Variants in NHSL2 observed in about 807,000 individuals in gnomAD.
The protein encoded by NHSL2 is NHS-like protein 2.
NHSL2 carries 27 observed loss-of-function variants against 53.4 expected under a neutral mutation model. That is an observed-to-expected ratio of 0.51 (90% CI 0.37 to 0.70). NHSL2 has a LOEUF of 0.70. NHSL2 is among the 30% of genes least tolerant of loss of function. The pLI is 0.00. For missense variants in NHSL2, 892 were observed against 980.1 expected (o/e 0.91, Z 1.20); for synonymous variants, 408 against 404.1 (o/e 1.01, Z -0.12).
chrX:71,936,197 G>T (rs955188027), intron 1 of NHSL2, among the ~76,000 whole-genome samples: 1 of 111,856 alleles, frequency 8.9e-6, no homozygotes, highest in African/African-American at 3.3e-5. Context: ...TTGATTAGGG[G>T]ATACTGCTTC....
In NHSL2 at chrX:71,942,947, GCTCTCTCTCT is replaced by G. The variant is rs767412870; in HGVS notation, c.280+31597_280+31606del. Among the ~76,000 whole-genome samples, 3 of 72,210 alleles carry G rather than the reference GCTCTCTCTCT, an allele frequency of 4.2e-5. No homozygotes were observed. In the East Asian group the frequency reaches 1.3e-3, roughly 32 times the overall value. 62.7% of individuals were successfully genotyped at this position (72,210 alleles called of 115,157 possible). ...CCTAGTCTTTGTCGAGGGCTCTAAT[GCTCTCTCTCT>G]CTCTCTCTCTCTCTCTGTGTGTGTG... On this transcript the variant is annotated intron_variant, in intron 1 of 7. Coordinates refer to ENST00000633930, the MANE Select transcript of NHSL2 (RefSeq NM_001013627.3).
chrX:72,079,281 A>G (rs1399947168), intron 1 of NHSL2, among the ~76,000 whole-genome samples: 7 of 112,763 alleles, frequency 6.2e-5, no homozygotes, highest in Non-Finnish European at 1.3e-4. Context: ...AAAGCCAGTG[A>G]TTCTCTTGTG....
At position 72,069,608 on chromosome X, in the gene NHSL2, G is replaced by A. The variant is rs956953656; in HGVS notation, c.281-62471G>A. 5 of 740,174 alleles carry A rather than the reference G, an allele frequency of 6.8e-6. No individual in the cohort carries two copies. The Admixed American group carries it at 3.0e-4, about 45-fold the overall frequency. 61.0% of individuals were successfully genotyped at this position (740,174 alleles called of 1,213,427 possible). ...AGCACAGGCAGAGGAGGAGGAGGAG[G>A]AGTAGGAGGAGGAGGAGGAGAAAGA... is the stretch of plus-strand genomic sequence containing the variant. On this transcript the variant is annotated intron_variant, in intron 1 of 7. Transcript: ENST00000633930.
chrX:71,972,390 GT>G (rs2041929242), intron 1 of NHSL2, among the ~76,000 whole-genome samples: 1 of 112,417 alleles, frequency 8.9e-6, no homozygotes, highest in Non-Finnish European at 1.9e-5. Context: ...TTGACAGTTT[GT>G]CTGTTTGTTT....
intron 1 of NHSL2, among the ~76,000 whole-genome samples, chrX:72,083,795 A>G (rs2147428190): frequency 8.9e-6 from 1 of 112,178 alleles, no homozygotes; most frequent in African/African-American, 3.2e-5. Flanking sequence ...CCTAATGGCC[A>G]AAACTTGGGG....
At chrX:72,017,577 G>A (rs1232116312) in intron 1 of NHSL2, among the ~76,000 whole-genome samples, 2 of 112,561 alleles carry the variant, frequency 1.8e-5, no homozygotes, top group Non-Finnish European at 3.8e-5. Context: ...GGGTTCTGTG[G>A]TATGTGCAGA....
At chrX:71,927,328 A>C (rs1480569776) in intron 1 of NHSL2, among the ~76,000 whole-genome samples, 1 of 111,904 alleles carries the variant, frequency 8.9e-6, no homozygotes, top group Non-Finnish European at 1.9e-5. Context: ...ATGTGCCTTG[A>C]AGATCAAAAG....
chrX:72,117,058 C>T (rs1288596849), intron 1 of NHSL2, among the ~76,000 whole-genome samples: 4 of 110,696 alleles, frequency 3.6e-5, no homozygotes. Context: ...GAGCTGATTT[C>T]AAGATCAAGA....
chrX:72,001,830 T>G (rs2042074069), intron 1 of NHSL2, among the ~76,000 whole-genome samples: 1 of 112,255 alleles, frequency 8.9e-6, no homozygotes, highest in African/African-American at 3.2e-5. Flanking sequence ...AGGAAAACTT[T>G]CCAGATCATC....
At chrX:72,038,194 T>C (rs1434862688) in intron 1 of NHSL2, among the ~76,000 whole-genome samples, 2 of 111,438 alleles carry the variant, frequency 1.8e-5, no homozygotes, top group Non-Finnish European at 3.8e-5. Context: ...CTTCCCACGG[T>C]TGTGTAAAGG....
chrX:71,962,748 G>A (rs1488742861), intron 1 of NHSL2, among the ~76,000 whole-genome samples: 1 of 106,717 alleles, frequency 9.4e-6, no homozygotes, highest in African/African-American at 3.4e-5. Context: ...TGTTGCCTCA[G>A]TCTTCTGAGT....
intron 1 of NHSL2, among the ~76,000 whole-genome samples, chrX:71,911,996 G>A (rs778259354): frequency 8.9e-6 from 1 of 112,188 alleles, no homozygotes; most frequent in African/African-American, 3.2e-5. Context: ...GCCGGGAGGG[G>A]GGAGGGGAGA....
rs144464940 is a variant in NHSL2 at position 72,084,143 on chromosome X, C to G, written c.281-47936C>G. Among the ~76,000 whole-genome samples, 286 of 112,453 alleles carry G rather than the reference C, an allele frequency of 2.5e-3. 2 individuals are homozygous for G. The highest frequency in any genetic ancestry group is 8.7e-3 in the African/African-American group (269 of 30,983). ...GCATCTCTCACATTCCCATCATTCA[C>G]TTACAGGCCTATATCCTCCACCCTT... On this transcript the variant is annotated intron_variant, in intron 1 of 7. Coordinates refer to ENST00000633930, the MANE Select transcript of NHSL2 (RefSeq NM_001013627.3).
Position 72,139,592 on chromosome X carries a change from T to C in NHSL2, c.2044T>C (p.Ser682Pro). 3 of 1,210,180 alleles carry C rather than the reference T, an allele frequency of 2.5e-6. No individual in the cohort carries two copies. Among genetic ancestry groups the C allele is most frequent in the Non-Finnish European group, 3.4e-6 (3 of 894,550 alleles). Residue 682 changes from serine (S) to proline (P), a missense_variant, in exon 6 of 8, where the codon TCC becomes CCC. Ser to Pro is a moderately conservative substitution (Grantham distance 74, BLOSUM62 -1). Coordinates refer to ENST00000633930, the MANE Select transcript of NHSL2 (RefSeq NM_001013627.3). ...AGAGTCTCTTGCCTCACCTTCCACC[T>C]CCAGAGCCACTACACCTTCCCAACT... The part of the protein sequence containing the change: ...SSESLASPST[S>P]RATTPSQLSI...
chrX:71,990,377 C>A (rs1446455266), intron 1 of NHSL2, among the ~76,000 whole-genome samples: 1 of 111,119 alleles, frequency 9.0e-6, no homozygotes, highest in Non-Finnish European at 1.9e-5. Context: ...TGGACGTTCC[C>A]ACCCACATAC....
rs764920440 is a variant in NHSL2 at position 72,144,576 on chromosome X, G to A, written c.*1002G>A. On this transcript the variant is annotated 3_prime_UTR_variant, in exon 8 of 8. Coordinates refer to ENST00000633930, the MANE Select transcript of NHSL2 (RefSeq NM_001013627.3). ...TGCCCCCCACCAGTCAATTCAGATC[G>A]TGGTTTGTGGTTGGTTTGGTTTTGT... 9.9e-7 allele frequency: 1 copy of A among 1,014,995 alleles called. No homozygotes were observed. The highest frequency in any genetic ancestry group is 1.3e-6 in the Non-Finnish European group (1 of 767,478). 83.6% of individuals were successfully genotyped at this position (1,014,995 alleles called of 1,213,427 possible). A position where few individuals can be genotyped will look rare whatever the true frequency, so the allele number is the denominator to read the frequency against.
chrX:72,034,925 CTCTT>C (rs1191934347), intron 1 of NHSL2, among the ~76,000 whole-genome samples: 2 of 111,535 alleles, frequency 1.8e-5, no homozygotes, highest in African/African-American at 6.5e-5. Context: ...GATTTCTGCT[CTCTT>C]TATTTCCTTT....
intron 1 of NHSL2, among the ~76,000 whole-genome samples, chrX:71,955,479 A>G (rs1056208469): frequency 9.1e-6 from 1 of 109,775 alleles, no homozygotes; most frequent in Non-Finnish European, 1.9e-5. Flanking sequence ...GGTATGCATC[A>G]CTTTTTGCCC....
intron 1 of NHSL2, among the ~76,000 whole-genome samples, chrX:71,995,546 T>C (rs1293853907): frequency 8.9e-6 from 1 of 111,750 alleles, no homozygotes; most frequent in Non-Finnish European, 1.9e-5. Context: ...CTCCAGGGGC[T>C]TTGCATTTGC....
Sources: gnomAD v4.1 joint callset for allele counts (sites outside exome capture counted in the v4.1 genomes callset) on GRCh38, gnomAD v4.1.1 for gene constraint, MANE v1.5 for transcripts, NCBI Gene and HGNC (gene_info 2026-07-23, HGNC 2026-07-21) for gene names.